Variants in AGBL4 observed in about 807,000 individuals in gnomAD.
The protein encoded by AGBL4 is AGBL carboxypeptidase 4, also known as cytosolic carboxypeptidase 6.
A neutral mutation model predicts 66.4 loss-of-function variants in AGBL4; 58 were observed. The observed-to-expected ratio is 0.87, with a 90% CI of 0.71 to 1.09. The LOEUF is 1.09. Ranked by LOEUF, AGBL4 falls within the 50% of genes least tolerant of loss-of-function variation. The pLI, the probability that AGBL4 is intolerant of heterozygous loss-of-function variation, is 0.00. For missense variants in AGBL4, 579 were observed against 631.0 expected (o/e 0.92, Z 0.88); for synonymous variants, 234 against 222.9 (o/e 1.05, Z -0.44).
chr1:48,721,091 A>G (rs1472296178), intron 6 of AGBL4, among the ~76,000 whole-genome samples: 1 of 151,826 alleles, frequency 6.6e-6, no homozygotes, highest in African/African-American at 2.4e-5. Context: ...GTAAAGCTTG[A>G]GGGTGCTCCA....
chr1:49,232,287 A>G (rs1005437523), intron 4 of AGBL4, among the ~76,000 whole-genome samples: 2 of 152,182 alleles, frequency 1.3e-5, no homozygotes, highest in Admixed American at 1.3e-4. Context: ...TCAGACCCAC[A>G]TCTGGTTGGC....
At chr1:48,877,405 C>T (rs1419424925) in intron 5 of AGBL4, among the ~76,000 whole-genome samples, 1 of 151,926 alleles carries the variant, frequency 6.6e-6, no homozygotes, top group Non-Finnish European at 1.5e-5. Context: ...GCGATGAGGC[C>T]CTAGCTACCT....
intron 6 of AGBL4, among the ~76,000 whole-genome samples, chr1:48,716,650 T>G (rs909362435): frequency 6.6e-6 from 1 of 152,228 alleles, no homozygotes; most frequent in Non-Finnish European, 1.5e-5. Flanking sequence ...CAATCAATTT[T>G]ATGTGTCCAC....
intron 6 of AGBL4, chr1:48,818,226 C>T (rs747047583): frequency 2.5e-5 from 18 of 717,294 alleles, no homozygotes; most frequent in East Asian, 8.0e-5. Flanking sequence ...CTTCCAGCTG[C>T]GTAAATTAGT....
intron 3 of AGBL4, among the ~76,000 whole-genome samples, chr1:49,457,543 G>C (rs2148692175): frequency 6.6e-6 from 1 of 151,854 alleles, no homozygotes; most frequent in East Asian, 1.9e-4. Context: ...TTCTTTTGCT[G>C]TGCAGAAGCT....
chr1:49,857,720 T>A (rs1310507988), intron 1 of AGBL4, among the ~76,000 whole-genome samples: 1 of 152,116 alleles, frequency 6.6e-6, no homozygotes, highest in Non-Finnish European at 1.5e-5. Flanking sequence ...TATACAAAAA[T>A]CAACTCAATG....
intron 3 of AGBL4, among the ~76,000 whole-genome samples, chr1:49,522,946 C>T (rs897915884): frequency 4.6e-5 from 7 of 152,012 alleles, no homozygotes; most frequent in Admixed American, 2.0e-4. Flanking sequence ...GTACCTGCCC[C>T]TTGGAAATGT....
chr1:49,182,577 T>C (rs1477994658), intron 4 of AGBL4, among the ~76,000 whole-genome samples: 1 of 152,200 alleles, frequency 6.6e-6, no homozygotes, highest in Non-Finnish European at 1.5e-5. Context: ...TGACATGAAA[T>C]AGTGGATGCA....
chr1:48,684,341 GAAAGC>G (rs1344498717), intron 6 of AGBL4, among the ~76,000 whole-genome samples: 1 of 152,224 alleles, frequency 6.6e-6, no homozygotes, highest in Non-Finnish European at 1.5e-5. Flanking sequence ...GAGAGAAGGG[GAAAGC>G]AAAGCAGAAG....
intron 1 of AGBL4, among the ~76,000 whole-genome samples, chr1:49,857,889 T>C (rs545422078): frequency 6.1e-4 from 93 of 152,208 alleles, no homozygotes; most frequent in African/African-American, 1.8e-3. Flanking sequence ...AAAAAGCTTC[T>C]GCACAGTGAA....
At chr1:48,942,322 G>T (rs1279539312) in intron 5 of AGBL4, among the ~76,000 whole-genome samples, 3 of 128,406 alleles carry the variant, frequency 2.3e-5, no homozygotes, top group East Asian at 2.1e-4. Context: ...GGGGGGGGGG[G>T]TTGTGGTAAA....
chr1:48,624,889 GGTGTGTGTGT>G (rs56678913), intron 9 of AGBL4, among the ~76,000 whole-genome samples: 253 of 147,850 alleles, frequency 1.7e-3, no homozygotes, highest in African/African-American at 5.4e-3. Flanking sequence ...GTTAATTCCA[GGTGTGTGTGT>G]GTGTGTGTGT....
chr1:49,376,256 A>C (rs1039715309), intron 3 of AGBL4, among the ~76,000 whole-genome samples: 52 of 152,076 alleles, frequency 3.4e-4, no homozygotes, highest in African/African-American at 1.2e-3. Context: ...CTGCCCTTCC[A>C]GATCTATTTT....
intron 1 of AGBL4, among the ~76,000 whole-genome samples, chr1:49,957,562 A>T (rs1656725495): frequency 6.6e-6 from 1 of 151,870 alleles, no homozygotes; most frequent in Non-Finnish European, 1.5e-5. Flanking sequence ...GTGCATATAT[A>T]TTTAGGATAG....
chr1:49,020,143 T>C (rs568127489), intron 5 of AGBL4, among the ~76,000 whole-genome samples: 1 of 152,286 alleles, frequency 6.6e-6, no homozygotes, highest in Non-Finnish European at 1.5e-5. Context: ...TCAAATGCGA[T>C]CTGTCTGACT....
chr1:48,963,670 A>C (rs1658187826), intron 5 of AGBL4, among the ~76,000 whole-genome samples: 1 of 151,992 alleles, frequency 6.6e-6, no homozygotes, highest in African/African-American at 2.4e-5. Context: ...GAAATAAATG[A>C]CCTCACAGCA....
At chr1:49,368,262 G>T (rs1004914039) in intron 3 of AGBL4, among the ~76,000 whole-genome samples, 1 of 152,018 alleles carries the variant, frequency 6.6e-6, no homozygotes, top group African/African-American at 2.4e-5. Context: ...TTCAATTCTT[G>T]GGGGTATATA....
At chr1:49,235,348 C>T (rs1650643033) in intron 4 of AGBL4, among the ~76,000 whole-genome samples, 1 of 152,150 alleles carries the variant, frequency 6.6e-6, no homozygotes, top group Non-Finnish European at 1.5e-5. Context: ...ATTCCTGTTG[C>T]CCAAGGGCAG....
At chr1:49,994,056 A>G (rs778945300) in intron 1 of AGBL4, among the ~76,000 whole-genome samples, 22 of 152,128 alleles carry the variant, frequency 1.4e-4, no homozygotes, top group Non-Finnish European at 2.9e-4. Flanking sequence ...GTTTTTGGCA[A>G]TTCTAGTCCA....
Sources: gnomAD v4.1 joint callset for allele counts (sites outside exome capture counted in the v4.1 genomes callset) on GRCh38, gnomAD v4.1.1 for gene constraint, MANE v1.5 for transcripts, NCBI Gene and HGNC (gene_info 2026-07-23, HGNC 2026-07-21) for gene names.